The following MICA variants were observed in gnomAD, a reference collection of about 807,000 sequenced individuals.
MICA encodes MHC class I polypeptide-related sequence A.
A neutral mutation model predicts 34.3 loss-of-function variants in MICA; 18 were observed. The observed-to-expected ratio is 0.52, with a 90% CI of 0.36 to 0.78. The LOEUF is 0.78. MICA is among the 30% of genes least tolerant of loss of function. The probability of loss-of-function intolerance (pLI) is 0.00; values close to 1 mark genes in which losing one functional copy is unlikely to be tolerated. For synonymous variants in MICA, 135 were observed against 156.9 expected, an observed-to-expected ratio of 0.86 and a Z score of 1.04; for missense variants, 333 against 409.4, an observed-to-expected ratio of 0.81 and a Z score of 1.61.
chr6:31,403,235 G>C (rs969522121), upstream of MICA, among the ~76,000 whole-genome samples: 2 of 151,836 alleles, frequency 1.3e-5, no homozygotes, highest in African/African-American at 4.8e-5. This position sits in a 1 kb window ranked among gnomAD's most constrained non-coding sequence, Gnocchi z 4.7. Context: ...TGGGGCGGCC[G>C]GCGAAAGGGG....
chr6:31,409,591 G>C (rs998300931), intron 1 of MICA, among the ~76,000 whole-genome samples: 4 of 128,548 alleles, frequency 3.1e-5, no homozygotes, highest in African/African-American at 8.1e-5. Context: ...TGTGCCCTTT[G>C]ATGCATAGAT....
rs970168079 is a variant in MICA, at chr6:31,414,038, C to A, written c.*30-974C>A. Among the ~76,000 whole-genome samples the A allele has an allele frequency of 1.8e-4, 28 of 152,014 alleles. 1 individual carries two copies. Among genetic ancestry groups the A allele is most frequent in the African/African-American group, 6.8e-4 (28 of 41,352 alleles). ...AAAGATTTTCATAATTTCAGCTCTGCAATCTTAATAGGATTTCCTAATACT... is the reference window on the plus strand; with the variant it reads ...AAAGATTTTCATAATTTCAGCTCTGAAATCTTAATAGGATTTCCTAATACT... On this transcript the variant is annotated intron_variant, in intron 5 of 5. Transcript: ENST00000449934.
upstream of MICA, among the ~76,000 whole-genome samples, chr6:31,403,149 G>T (rs1770532873): frequency 6.6e-6 from 1 of 151,816 alleles, no homozygotes; most frequent in East Asian, 1.9e-4. The surrounding 1 kb of genome is among the most constrained non-coding windows in gnomAD (Gnocchi z 4.7). Flanking sequence ...CGCTGTGCGC[G>T]GTTGAGGGAG....
At chr6:31,404,067 T>C (rs1253128316) in intron 1 of MICA, among the ~76,000 whole-genome samples, 1 of 151,730 alleles carries the variant, frequency 6.6e-6, no homozygotes, top group East Asian at 1.9e-4. Flanking sequence ...GCGCGGCCAC[T>C]GAAGCAGCCA....
At chr6:31,413,587 T>C (rs1022075839) in intron 5 of MICA, among the ~76,000 whole-genome samples, 5 of 151,862 alleles carry the variant, frequency 3.3e-5, no homozygotes, top group Admixed American at 3.3e-4. Context: ...TGTCTGGCAG[T>C]AGGGTCGCTG....
rs2256026 is a variant in MICA at position 31,411,364 on chromosome 6, C to A, written c.613+5C>A. The stretch of plus-strand genomic sequence containing the variant: ...GCGTAGTCCTGAGGAGAACAGGTAC[C>A]GACGCTGGCCAGGGGCTCTCCTCTC... On this transcript the variant is annotated splice_donor_5th_base_variant and intron_variant, in intron 3 of 5. Coordinates refer to ENST00000449934, the MANE Select transcript of MICA (RefSeq NM_001177519.3). This position sits in a 1 kb window ranked among gnomAD's most constrained non-coding sequence, Gnocchi z 4.3. 3.2e-6 allele frequency: 5 copies of A among 1,553,434 alleles called. No homozygotes were observed. Among genetic ancestry groups the A allele is most frequent in the African/African-American group, 2.7e-5 (2 of 72,752 alleles).
Position 31,412,336 on chromosome 6 carries a change from G to A in MICA, c.904G>A (p.Val302Met), listed in dbSNP as rs372677694. The A allele has an allele frequency of 7.2e-5, 116 of 1,600,258 alleles. 5 individuals carry two copies. In the East Asian group the frequency reaches 1.3e-3, roughly 17 times the overall value. ...TCCCTTTTTTTCAGGGAAAGTGCTGGTGCTTCAGAGTCATTGGCAGACATT... is the reference window on the plus strand; with the variant it reads ...TCCCTTTTTTTCAGGGAAAGTGCTGATGCTTCAGAGTCATTGGCAGACATT... ...THPVPSGKVLVLQSHWQTFHV... is the reference protein window; with the variant it reads ...THPVPSGKVLMLQSHWQTFHV... The change falls in exon 5 of 6, where the codon GTG becomes ATG. Residue 302 changes from valine (V) to methionine (M), a missense_variant. Transcript: ENST00000449934.
chr6:31,403,612 G>A lies in MICA; in HGVS notation c.-21G>A, dbSNP rs761199379. ...CCCCGGCCACTGCTTGAGCCGCTGA[G>A]AGGGTGGCGACGTCGGGGCCATGGG... On this transcript the variant is annotated 5_prime_UTR_variant, in exon 1 of 6. Transcript: ENST00000449934. The surrounding 1 kb of genome is among the most constrained non-coding windows in gnomAD (Gnocchi z 4.7). 1.5e-5 allele frequency: 23 copies of A among 1,497,644 alleles called. No homozygotes were observed. The highest frequency in any genetic ancestry group is 2.0e-5 in the Non-Finnish European group (23 of 1,126,314). 92.8% of individuals were successfully genotyped at this position (1,497,644 alleles called of 1,614,324 possible). A position where few individuals can be genotyped will look rare whatever the true frequency, so the allele number is the denominator to read the frequency against.
Position 31,411,423 on chromosome 6 carries a change from G to A in MICA, c.613+64G>A. 1 of 1,456,470 alleles carries A rather than the reference G, an allele frequency of 6.9e-7. No homozygotes were observed. The highest frequency in any genetic ancestry group is 9.2e-7 in the Non-Finnish European group (1 of 1,086,614). 90.2% of individuals were successfully genotyped at this position (1,456,470 alleles called of 1,614,324 possible). On this transcript the variant is annotated intron_variant, in intron 3 of 5. Coordinates refer to ENST00000449934, the MANE Select transcript of MICA (RefSeq NM_001177519.3). This position sits in a 1 kb window ranked among gnomAD's most constrained non-coding sequence, Gnocchi z 4.3. ...TCTGCTAGAGTTGCCTCACCTCCCA[G>A]ATGTGTCCAGGGAAACCCTCCCTGT...
chr6:31,413,527 G>A (rs1269673620), intron 5 of MICA, among the ~76,000 whole-genome samples: 1 of 151,994 alleles, frequency 6.6e-6, no homozygotes, highest in East Asian at 1.9e-4. Context: ...TTTCTGCAAA[G>A]ACAGAAGCAG....
chr6:31,403,848 C>T lies in MICA; in HGVS notation c.70+146C>T. 1.4e-6 allele frequency: 1 copy of T among 694,078 alleles called. No homozygotes were observed. The highest frequency in any genetic ancestry group is 2.3e-6 in the Non-Finnish European group (1 of 432,322). 43.0% of individuals were successfully genotyped at this position (694,078 alleles called of 1,614,324 possible). A position where few individuals can be genotyped will look rare whatever the true frequency, so the allele number is the denominator to read the frequency against. ...CAGGGAGCTGGACGCGGCCCGTTAC[C>T]GCCACACTTCAGCCCTGCTTCCCCG... On this transcript the variant is annotated intron_variant, in intron 1 of 5. Coordinates refer to ENST00000449934, the MANE Select transcript of MICA (RefSeq NM_001177519.3). This position sits in a 1 kb window ranked among gnomAD's most constrained non-coding sequence, Gnocchi z 4.7.
chr6:31,409,006 C>CA (rs9281426), intron 1 of MICA, among the ~76,000 whole-genome samples: 48,894 of 144,704 alleles, frequency 0.34, 9,288 homozygotes, highest in East Asian at 0.48. Flanking sequence ...ATTCCATCTC[C>CA]AAAAAAAAAA....
At chr6:31,410,914 G>A in intron 2 of MICA, 117 bp downstream of exon 2, 5 of 1,471,464 alleles carry the variant, frequency 3.4e-6, no homozygotes, top group Non-Finnish European at 3.6e-6. Context: ...GTGAGGAATG[G>A]GGGTCAGTGG....
chr6:31,412,342 CAG>C lies in MICA; in HGVS notation c.913_914del (p.His306LeufsTer40). On this transcript the variant is annotated frameshift_variant, in exon 5 of 6. Coordinates refer to ENST00000449934, the MANE Select transcript of MICA (RefSeq NM_001177519.3). LOFTEE classifies it high-confidence loss of function. ...TTTTTCAGGGAAAGTGCTGGTGCTT[CAG>C]AGTCATTGGCAGACATTCCATGTTT... ...PVPSGKVLVL[Q>X]SHWQTFHVSA... The C allele has an allele frequency of 6.3e-7, 1 of 1,598,644 alleles. No homozygotes were observed. Among genetic ancestry groups the C allele is most frequent in the Non-Finnish European group, 8.5e-7 (1 of 1,173,710 alleles).
intron 1 of MICA, among the ~76,000 whole-genome samples, chr6:31,407,958 C>T (rs1273629306): frequency 2.0e-5 from 3 of 151,848 alleles, no homozygotes; most frequent in African/African-American, 7.3e-5. Context: ...AGTTTTCCCC[C>T]ATTCAGTATG....
Position 31,406,658 on chromosome 6 carries a change from A to G in MICA, c.70+2956A>G, listed in dbSNP as rs766760807. Among the ~76,000 whole-genome samples the G allele has an allele frequency of 3.3e-5, 5 of 151,756 alleles. 1 individual carries two copies. The highest frequency in any genetic ancestry group is 2.0e-4 in the Admixed American group (3 of 15,172). ...TCCAATATCCTAGAGAGTTTCCCCA[A>G]TGTTTTCTTGTATAGTTTCATAGTT... On this transcript the variant is annotated intron_variant, in intron 1 of 5. Transcript: ENST00000449934.
chr6:31,406,123 A>C (rs1382907231), intron 1 of MICA, among the ~76,000 whole-genome samples: 7 of 151,904 alleles, frequency 4.6e-5, no homozygotes, highest in Non-Finnish European at 1.0e-4. Context: ...AAGAACCTCC[A>C]CATTGTTTCC....
At position 31,411,245 on chromosome 6, in the gene MICA, A is replaced by ACT. The variant is rs1232357891; in HGVS notation, c.499_500insCT (p.Asn167ThrfsTer4). 5.6e-6 allele frequency: 9 copies of ACT among 1,612,908 alleles called. No homozygotes were observed. Among genetic ancestry groups the ACT allele is most frequent in the Non-Finnish European group, 7.6e-6 (9 of 1,179,884 alleles). ...TCAGACCTTGGCCATGAACGTCAGGAATTTCTTGAAGGAAGATGCCATGAA... is the reference window on the plus strand; with the variant it reads ...TCAGACCTTGGCCATGAACGTCAGGACTATTTCTTGAAGGAAGATGCCATGAA... On this transcript the variant is annotated frameshift_variant, in exon 3 of 6. Coordinates refer to ENST00000449934, the MANE Select transcript of MICA (RefSeq NM_001177519.3). LOFTEE classifies it high-confidence loss of function. This position sits in a 1 kb window ranked among gnomAD's most constrained non-coding sequence, Gnocchi z 4.3.
chr6:31,405,904 C>T (rs1185338576), intron 1 of MICA, among the ~76,000 whole-genome samples: 1 of 151,944 alleles, frequency 6.6e-6, no homozygotes, highest in African/African-American at 2.4e-5. Flanking sequence ...TAGTTCTCCA[C>T]ATACACATGT....
Sources: allele counts gnomAD v4.1 joint callset (sites outside exome capture counted in the v4.1 genomes callset), GRCh38; gene constraint gnomAD v4.1.1; non-coding constraint Gnocchi (gnomAD v3.1); transcripts MANE v1.5; gene names NCBI Gene and HGNC (gene_info 2026-07-23, HGNC 2026-07-21).